Variants in MAGEB10 observed in about 807,000 individuals in gnomAD.
MAGEB10 encodes MAGE family member B10, also known as melanoma-associated antigen B10.
For synonymous variants in MAGEB10, 99 were observed against 101.0 expected (o/e 0.98, Z 0.12); for missense variants, 190 against 261.9 (o/e 0.73, Z 1.89).
intron 2 of MAGEB10, among the ~76,000 whole-genome samples, chrX:27,819,927 C>G (rs1602865658): frequency 9.0e-6 from 1 of 110,920 alleles, no homozygotes; most frequent in Admixed American, 9.6e-5. Flanking sequence ...AGATAAAGAC[C>G]CTTTGTGAGG....
intron 1 of MAGEB10, among the ~76,000 whole-genome samples, chrX:27,814,830 G>A (rs780915919): frequency 8.9e-6 from 1 of 112,074 alleles, no homozygotes; most frequent in African/African-American, 3.2e-5. Flanking sequence ...AACCCACACT[G>A]TTGCACTCCT....
At chrX:27,814,079 T>G (rs1484767617) in intron 1 of MAGEB10, among the ~76,000 whole-genome samples, 1 of 111,334 alleles carries the variant, frequency 9.0e-6, no homozygotes, top group Non-Finnish European at 1.9e-5. Flanking sequence ...AAAGGGCTTT[T>G]AAAAAAACTT....
chrX:27,821,157 G>C (rs1006673188), intron 2 of MAGEB10, 101 bp from the exon 3 acceptor site: 1 of 471,327 alleles, frequency 2.1e-6, no homozygotes, highest in African/African-American at 2.4e-5. Flanking sequence ...GTTTTTCCTT[G>C]AGTAATGCAC....
chrX:27,817,541 T>A lies in MAGEB10; in HGVS notation c.-198-13T>A, dbSNP rs772737458. 10 of 110,263 alleles carry A rather than the reference T, an allele frequency of 9.1e-5. No homozygotes were observed. Among genetic ancestry groups the A allele is most frequent in the African/African-American group, 3.0e-4 (9 of 30,314 alleles). The allele number at this position is 110,263 out of a possible 1,213,427, so 9.1% of individuals were successfully genotyped here. The stretch of plus-strand genomic sequence containing the variant: ...TTCTTCTTAATTTTTATTTACTTAT[T>A]TATTTCTTTTAGAGACGGTGCCTCG... On this transcript the variant is annotated splice_polypyrimidine_tract_variant and intron_variant, in intron 1 of 2. Coordinates refer to ENST00000356790, the MANE Select transcript of MAGEB10 (RefSeq NM_182506.3).
rs751038384 is a variant in MAGEB10 at position 27,821,432 on chromosome X, C to T, written c.126C>T (p.Ala42=). The change falls in exon 3 of 3, where the codon GCC becomes GCT. Residue 42 remains alanine (A), a synonymous_variant. Transcript: ENST00000356790. The part of the protein sequence containing the change: ...LEEEEESPPS[A]SACLKDVFQS... ...AGGAGGAAGAATCTCCCCCCTCTGC[C>T]TCTGCTTGTTTGAAGGATGTTTTCC... is the stretch of plus-strand genomic sequence containing the variant. The T allele has an allele frequency of 2.5e-5, 30 of 1,209,470 alleles. No homozygotes were observed. The South Asian group carries it at 4.4e-4, about 18-fold the overall frequency.
chrX:27,817,062 T>G (rs1923795496), intron 1 of MAGEB10, among the ~76,000 whole-genome samples: 1 of 109,061 alleles, frequency 9.2e-6, no homozygotes, highest in Admixed American at 9.9e-5. Context: ...ATGCCTTCTC[T>G]TCCATGCTGA....
chrX:27,816,888 A>G (rs1458330805), intron 1 of MAGEB10, among the ~76,000 whole-genome samples: 1 of 111,167 alleles, frequency 9.0e-6, no homozygotes, highest in Admixed American at 9.6e-5. Flanking sequence ...GTGCTCATCC[A>G]CTTTGTGTCT....
At chrX:27,811,062 C>A (rs1342815046) in intron 1 of MAGEB10, among the ~76,000 whole-genome samples, 1 of 103,254 alleles carries the variant, frequency 9.7e-6, no homozygotes, top group Non-Finnish European at 2.0e-5. Context: ...GGCCTCAAGT[C>A]CTCAGAGGGG....
intron 1 of MAGEB10, among the ~76,000 whole-genome samples, chrX:27,809,087 T>C (rs1234516083): frequency 8.9e-6 from 1 of 112,303 alleles, no homozygotes; most frequent in East Asian, 2.9e-4. Flanking sequence ...AGCCCCTTTC[T>C]GGGCTGGCCA....
At chrX:27,810,168 C>T (rs1343870196) in intron 1 of MAGEB10, among the ~76,000 whole-genome samples, 2 of 111,586 alleles carry the variant, frequency 1.8e-5, no homozygotes, top group African/African-American at 3.3e-5. Flanking sequence ...ACTGTGGAAG[C>T]TTTGTTCTTT....
At chrX:27,816,458 C>T (rs761222728) in intron 1 of MAGEB10, among the ~76,000 whole-genome samples, 1 of 111,733 alleles carries the variant, frequency 8.9e-6, no homozygotes, top group East Asian at 2.9e-4. Flanking sequence ...AGGGAAAATC[C>T]TGGTTTTTCA....
chrX:27,814,511 T>C (rs1165466647), intron 1 of MAGEB10, among the ~76,000 whole-genome samples: 1 of 112,030 alleles, frequency 8.9e-6, no homozygotes, highest in Non-Finnish European at 1.9e-5. Flanking sequence ...TTTTGGTTGA[T>C]TTGTGTGCTG....
intron 1 of MAGEB10, among the ~76,000 whole-genome samples, chrX:27,811,338 C>A (rs773886991): frequency 1.8e-4 from 20 of 111,020 alleles, no homozygotes; most frequent in African/African-American, 5.9e-4. Flanking sequence ...AAACTAATTA[C>A]CTCAAGATAA....
At chrX:27,820,117 G>A (rs983622191) in intron 2 of MAGEB10, among the ~76,000 whole-genome samples, 2 of 111,460 alleles carry the variant, frequency 1.8e-5, no homozygotes, top group East Asian at 5.8e-4. Context: ...AAGTAAAGGT[G>A]AGGAAACTGA....
rs1226130392 is a variant in MAGEB10 at position 27,822,699 on chromosome X, G to A, written c.*349G>A. The A allele has an allele frequency of 5.0e-6, 1 of 199,922 alleles. No homozygotes were observed. Among genetic ancestry groups the A allele is most frequent in the East Asian group, 1.2e-4 (1 of 8,687 alleles). 16.5% of individuals were successfully genotyped at this position (199,922 alleles called of 1,213,427 possible). A position where few individuals can be genotyped will look rare whatever the true frequency, so the allele number is the denominator to read the frequency against. On this transcript the variant is annotated 3_prime_UTR_variant, in exon 3 of 3. Coordinates refer to ENST00000356790, the MANE Select transcript of MAGEB10 (RefSeq NM_182506.3). ...TAATTCAATGTGAAATAATTTAGGAGTGTAATAAATGGGATCAAGAAATAG... is the reference window on the plus strand; with the variant it reads ...TAATTCAATGTGAAATAATTTAGGAATGTAATAAATGGGATCAAGAAATAG...
Position 27,822,486 on chromosome X carries a change from G to GA in MAGEB10, c.*138dup. On this transcript the variant is annotated 3_prime_UTR_variant, in exon 3 of 3. Coordinates refer to ENST00000356790, the MANE Select transcript of MAGEB10 (RefSeq NM_182506.3). The stretch of plus-strand genomic sequence containing the variant: ...TTCTATGTGATGGCTTGGAATTTTT[G>GA]AAGATGTTGTTCCTTTAATAGATGG... 4 of 604,892 alleles carry GA rather than the reference G, an allele frequency of 6.6e-6. No individual in the cohort carries two copies. The highest frequency in any genetic ancestry group is 1.0e-5 in the Non-Finnish European group (4 of 400,880). 49.8% of individuals were successfully genotyped at this position (604,892 alleles called of 1,213,427 possible).
chrX:27,810,319 A>ACACATCC lies in MAGEB10; in HGVS notation c.-199+2284_-199+2290dup, dbSNP rs764575437. ...ACCCACCAGAAGGAAGAAGCTCCGA[A>ACACATCC]CACATCCGAACATTAGAAGGAACAA... On this transcript the variant is annotated intron_variant, in intron 1 of 2. Transcript: ENST00000356790. Among the ~76,000 whole-genome samples, 6 of 111,950 alleles carry ACACATCC rather than the reference A, an allele frequency of 5.4e-5. No individual in the cohort carries two copies. In the South Asian group the frequency reaches 1.9e-3, roughly 35 times the overall value.
At chrX:27,821,139 G>C (rs1923876943) in intron 2 of MAGEB10, 119 bp from the exon 3 acceptor site, 1 of 447,235 alleles carries the variant, frequency 2.2e-6, no homozygotes, top group African/African-American at 2.5e-5. Flanking sequence ...TCAAAGAATA[G>C]GGGCCTTGTT....
Position 27,821,493 on chromosome X carries a change from G to A in MAGEB10, c.187G>A (p.Gly63Arg), listed in dbSNP as rs369607411. Residue 63 changes from glycine to arginine, a missense_variant, in exon 3 of 3, where the codon GGA becomes AGA. Gly to Arg is a moderately radical substitution (Grantham distance 125). Coordinates refer to ENST00000356790, the MANE Select transcript of MAGEB10 (RefSeq NM_182506.3). ...TGATGGGGCATCCAACAATCCCCAT[G>A]GACTTCGGGAAGCCCAATCCACCAG... ...SLDGASNNPH[G>R]LREAQSTSTS... 6.6e-6 allele frequency: 8 copies of A among 1,209,126 alleles called. No homozygotes were observed. The highest frequency in any genetic ancestry group is 8.9e-6 in the Non-Finnish European group (8 of 894,969).
Sources: allele counts gnomAD v4.1 joint callset (sites outside exome capture counted in the v4.1 genomes callset), GRCh38; gene constraint gnomAD v4.1.1; transcripts MANE v1.5; gene names NCBI Gene and HGNC (gene_info 2026-07-23, HGNC 2026-07-21).